RBM23: variants seen among roughly 807,000 people sequenced by gnomAD.
RBM23 encodes the protein RNA binding motif protein 23.
RBM23 carries 53 observed loss-of-function variants against 56.2 expected under a neutral mutation model. The observed-to-expected ratio is 0.94, with a 90% CI of 0.76 to 1.19. The LOEUF is 1.19. Ranked by LOEUF, RBM23 falls within the 50% of genes most tolerant of loss-of-function variation. The probability of loss-of-function intolerance (pLI) is 0.00; values close to 1 mark genes in which losing one functional copy is unlikely to be tolerated. For missense variants in RBM23, 642 were observed against 590.3 expected (o/e 1.09, Z -0.91); for synonymous variants, 197 against 198.5 (o/e 0.99, Z 0.06).
chr14:22,911,442 A>G (rs776309200), intron 1 of RBM23, 39 bp from the exon 2 acceptor site: 3 of 1,541,178 alleles, frequency 1.9e-6, no homozygotes, highest in African/African-American at 2.7e-5. Context: ...TCTGTTTTAT[A>G]TTTTTCCTCC....
rs763417862 is a variant in RBM23 at position 22,905,371 on chromosome 14, G to A, written c.538C>T (p.Arg180Ter). Reference sequence around the variant, plus strand: ...GCAGAGAAAAAGTCCTCCAGATCTCGAGGCCGAATTCGGGCAGCTAACTGC... The same window carrying A: ...GCAGAGAAAAAGTCCTCCAGATCTCAAGGCCGAATTCGGGCAGCTAACTGC... ...CMQLAARIRP[R>*]DLEDFFSAVG... Residue 180 changes from arginine (R) to a stop codon, truncating the protein, a stop_gained, in exon 7 of 14, where the codon CGA becomes TGA. Coordinates refer to ENST00000359890, the MANE Select transcript of RBM23 (RefSeq NM_001077351.2). LOFTEE classifies it high-confidence loss of function. The A allele has an allele frequency of 4.3e-6, 7 of 1,613,986 alleles. No individual in the cohort carries two copies. Among genetic ancestry groups the A allele is most frequent in the African/African-American group, 2.7e-5 (2 of 74,910 alleles).
intron 1 of RBM23, among the ~76,000 whole-genome samples, chr14:22,918,679 G>C (rs1279514868): frequency 3.3e-5 from 5 of 152,080 alleles, no homozygotes; most frequent in Admixed American, 6.5e-5. Context: ...GAGGGTCGAT[G>C]CTCCCTCTCC....
At chr14:22,908,928 A>G (rs1004027873) in intron 3 of RBM23, among the ~76,000 whole-genome samples, 2 of 151,264 alleles carry the variant, frequency 1.3e-5, no homozygotes, top group Non-Finnish European at 2.9e-5. Context: ...GTGTTTCCAA[A>G]TCAGGGGTCC....
intron 1 of RBM23, chr14:22,916,887 TG>T (rs924901669): frequency 6.6e-6 from 1 of 152,082 alleles, no homozygotes; most frequent in African/African-American, 2.4e-5. Flanking sequence ...TGTTTTTTTT[TG>T]AGAGAGTTTC....
In RBM23 at chr14:22,895,413, T is replaced by C. The variant is rs1267186958; in HGVS notation, c.*6317A>G. On this transcript the variant is annotated 3_prime_UTR_variant, in exon 14 of 14. Transcript: ENST00000359890. ...AAAAATACTTATTCAGAAAGGAAAA[T>C]GCCAGTGTAGGGCTAGGCTCTGGAG... The C allele has an allele frequency of 6.6e-6, 1 of 151,918 alleles. No homozygotes were observed. The highest frequency in any genetic ancestry group is 1.5e-5 in the Non-Finnish European group (1 of 67,972). 9.4% of individuals were successfully genotyped at this position (151,918 alleles called of 1,614,324 possible). A position where few individuals can be genotyped will look rare whatever the true frequency, so the allele number is the denominator to read the frequency against.
chr14:22,908,336 C>T lies in RBM23; in HGVS notation c.224G>A (p.Arg75His), dbSNP rs1028131195. The stretch of plus-strand genomic sequence containing the variant: ...TGCCTGGCCCAGAATTACTGACCTG[C>T]GCTTTCTATCCCTGCTTTTATTATG... Reference protein sequence around the residue: ...RSHNKSRDRKRSRSRDRDRYR... With the variant: ...RSHNKSRDRKHSRSRDRDRYR... The change falls in exon 4 of 14, where the codon CGC (arginine) becomes CAC (histidine). Residue 75 changes from arginine to histidine, a missense_variant. Arg to His is a conservative substitution (Grantham distance 29). Coordinates refer to ENST00000359890, the MANE Select transcript of RBM23 (RefSeq NM_001077351.2). The T allele has an allele frequency of 7.7e-6, 12 of 1,549,530 alleles. No individual in the cohort carries two copies. Among genetic ancestry groups the T allele is most frequent in the East Asian group, 4.9e-5 (2 of 40,922 alleles).
At position 22,899,644 on chromosome 14, in the gene RBM23, G is replaced by C. The variant is rs1416359395; in HGVS notation, c.*2086C>G. The stretch of plus-strand genomic sequence containing the variant: ...ACCCACCTCGGCCTCCCAAAGTGCT[G>C]GGATTACAGGCGTGAGCCAGTGCAC... On this transcript the variant is annotated 3_prime_UTR_variant, in exon 14 of 14. Coordinates refer to ENST00000359890, the MANE Select transcript of RBM23 (RefSeq NM_001077351.2). 2.0e-5 allele frequency: 3 copies of C among 152,326 alleles called. No individual in the cohort carries two copies. The highest frequency in any genetic ancestry group is 4.4e-5 in the Non-Finnish European group (3 of 68,158). 9.4% of individuals were successfully genotyped at this position (152,326 alleles called of 1,614,324 possible).
chr14:22,905,313 G>C, intron 7 of RBM23, 23 bp downstream of exon 7: 1 of 1,614,008 alleles, frequency 6.2e-7, no homozygotes, highest in South Asian at 1.1e-5. Flanking sequence ...CTACTCAGAA[G>C]AAAACTAAGG....
At chr14:22,907,469 T>C (rs8005677) in intron 4 of RBM23, among the ~76,000 whole-genome samples, 86,073 of 152,066 alleles carry the variant, frequency 0.57, 25,259 homozygotes, top group East Asian at 0.79. Context: ...CCTAGCATCA[T>C]GAAAAGATAA....
chr14:22,901,697 A>C lies in RBM23; in HGVS notation c.*33T>G, dbSNP rs756965431. The C allele has an allele frequency of 1.2e-6, 2 of 1,608,606 alleles. No individual in the cohort carries two copies. Among genetic ancestry groups the C allele is most frequent in the Non-Finnish European group, 1.7e-6 (2 of 1,174,974 alleles). ...GTAGATGTGAAGTGGCAGGATCCAG[A>C]GGCACAAGGAGGCAGTATACTGTGC... On this transcript the variant is annotated 3_prime_UTR_variant, in exon 14 of 14. Transcript: ENST00000359890.
At chr14:22,918,847 G>A (rs537944011) in intron 1 of RBM23, 152 bp downstream of exon 1, 11 of 152,284 alleles carry the variant, frequency 7.2e-5, no homozygotes, top group South Asian at 6.2e-4. Flanking sequence ...ACACTTCCAG[G>A]TCAAAACAAA....
chr14:22,906,600 A>G (rs8016061), intron 4 of RBM23, among the ~76,000 whole-genome samples: 86,160 of 152,146 alleles, frequency 0.57, 25,292 homozygotes, highest in East Asian at 0.79. Context: ...CAGCACATCC[A>G]ATTATGTACA....
rs1026355752 is a variant in RBM23, at chr14:22,895,793, G to A, written c.*5937C>T. 2.0e-5 allele frequency: 3 copies of A among 152,246 alleles called. No individual in the cohort carries two copies. The highest frequency in any genetic ancestry group is 7.2e-5 in the African/African-American group (3 of 41,426). 9.4% of individuals were successfully genotyped at this position (152,246 alleles called of 1,614,324 possible). On this transcript the variant is annotated 3_prime_UTR_variant, in exon 14 of 14. Coordinates refer to ENST00000359890, the MANE Select transcript of RBM23 (RefSeq NM_001077351.2). The stretch of plus-strand genomic sequence containing the variant: ...CTGTCTCAAAACAAAACAAAACTGA[G>A]TGCCCTGGTATTTTTCCCCTGCCAG...
chr14:22,909,317 C>T (rs146722780), intron 3 of RBM23, among the ~76,000 whole-genome samples, 166 bp downstream of exon 3: 1 of 152,326 alleles, frequency 6.6e-6, no homozygotes, highest in East Asian at 1.9e-4. Context: ...AAAATGAAGA[C>T]TAGATAATTA....
rs750690321 is a variant in RBM23, at chr14:22,909,471, T to C, written c.179+12A>G. ...CCCAAGTTGCCAACCCATTTCTTCC[T>C]CCCACACTCACTTGCTTGTCTCCCC... On this transcript the variant is annotated intron_variant, in intron 3 of 13. Coordinates refer to ENST00000359890, the MANE Select transcript of RBM23 (RefSeq NM_001077351.2). 6.2e-7 allele frequency: 1 copy of C among 1,609,030 alleles called. No homozygotes were observed. Among genetic ancestry groups the C allele is most frequent in the African/African-American group, 1.3e-5 (1 of 74,806 alleles).
At chr14:22,907,965 C>G (rs900699280) in intron 4 of RBM23, among the ~76,000 whole-genome samples, 2 of 152,124 alleles carry the variant, frequency 1.3e-5, no homozygotes, top group African/African-American at 4.8e-5. Flanking sequence ...ATAAAGAAAA[C>G]TTGTAGAGTT....
chr14:22,902,703 A>C (rs1283648108), intron 10 of RBM23: 22 of 1,050,568 alleles, frequency 2.1e-5, no homozygotes, highest in Non-Finnish European at 2.5e-5. Flanking sequence ...AGACAAGCTA[A>C]GAACAAGGCT....
intron 1 of RBM23, among the ~76,000 whole-genome samples, chr14:22,918,314 G>C (rs1364552317): frequency 6.6e-6 from 1 of 151,986 alleles, no homozygotes; most frequent in Non-Finnish European, 1.5e-5. Flanking sequence ...GGAATCGCTA[G>C]AACCCGGGAG....
chr14:22,910,752 C>T (rs776563463), intron 2 of RBM23, among the ~76,000 whole-genome samples: 41 of 152,162 alleles, frequency 2.7e-4, no homozygotes, highest in Non-Finnish European at 4.0e-4. Context: ...GTGGCTCACG[C>T]CTGTAATCCC....
Sources: gnomAD v4.1 joint callset for allele counts (sites outside exome capture counted in the v4.1 genomes callset) on GRCh38, gnomAD v4.1.1 for gene constraint, MANE v1.5 for transcripts, NCBI Gene and HGNC (gene_info 2026-07-23, HGNC 2026-07-21) for gene names.